SQOR: variants seen among roughly 807,000 people sequenced by gnomAD.
The protein encoded by SQOR is sulfide:quinone oxidoreductase, mitochondrial.
In SQOR, 39 loss-of-function variants were observed where a neutral mutation model predicts 48.6. That is an observed-to-expected ratio of 0.80 (90% confidence interval 0.62 to 1.05). The LOEUF (loss-of-function observed/expected upper bound fraction) is 1.05, where lower values mean the gene tolerates loss of function less well. Ranked by LOEUF, SQOR falls within the 50% of genes least tolerant of loss-of-function variation. The pLI is 0.00. For missense variants in SQOR, 561 were observed against 559.9 expected, an observed-to-expected ratio of 1.00 and a Z score of -0.02; for synonymous variants, 220 against 206.2, an observed-to-expected ratio of 1.07 and a Z score of -0.57.
chr15:45,650,440 T>A (rs981536880), intron 1 of SQOR, among the ~76,000 whole-genome samples: 5 of 152,186 alleles, frequency 3.3e-5, no homozygotes, highest in Non-Finnish European at 7.4e-5. Context: ...GGAGTGAAGC[T>A]GCAGACCTTC....
At chr15:45,688,558 C>G (rs965393980) in intron 8 of SQOR, among the ~76,000 whole-genome samples, 154 bp downstream of exon 8, 4 of 150,416 alleles carry the variant, frequency 2.7e-5, no homozygotes, top group Non-Finnish European at 4.4e-5. Context: ...GTTGCCCAGG[C>G]TGGAGTGCAA....
At chr15:45,673,499 G>A (rs1889978130) in intron 4 of SQOR, 108 bp from the exon 5 acceptor site, 1 of 1,230,374 alleles carries the variant, frequency 8.1e-7, no homozygotes, top group Middle Eastern at 2.6e-4. Flanking sequence ...GTATTGGAGG[G>A]TAATGATAGT....
At chr15:45,685,103 A>C (rs922477230) in intron 7 of SQOR, among the ~76,000 whole-genome samples, 14 of 152,290 alleles carry the variant, frequency 9.2e-5, no homozygotes, top group African/African-American at 3.4e-4. Flanking sequence ...TTTTGCCATT[A>C]AGAGTAATGT....
chr15:45,682,737 C>G, intron 7 of SQOR, 76 bp downstream of exon 7: 1 of 1,534,868 alleles, frequency 6.5e-7, no homozygotes, highest in Non-Finnish European at 8.9e-7. Flanking sequence ...AAAACACAAG[C>G]TTGGCATCGG....
intron 5 of SQOR, 190 bp downstream of exon 5, chr15:45,673,991 T>C (rs1007047564): frequency 6.5e-6 from 4 of 614,860 alleles, no homozygotes; most frequent in Non-Finnish European, 1.1e-5. Context: ...TCCAATTGCT[T>C]TAATAAAGCT....
rs1266446237 is a variant in SQOR, at chr15:45,638,350, G to GA, written c.-18+3242_-18+3243insA. 3.6e-4 allele frequency among the ~76,000 whole-genome samples: 55 copies of GA among 152,292 alleles called. No individual in the cohort carries two copies. The East Asian group carries it at 8.1e-3, about 22-fold the overall frequency. On this transcript the variant is annotated intron_variant, in intron 1 of 9. Coordinates refer to ENST00000260324, the MANE Select transcript of SQOR (RefSeq NM_021199.4). ...TGAGCACCTGTAGCCCCAGCTACTT[G>GA]GGAGGCTGAGGTGGGAGAACTGCTT... is the stretch of plus-strand genomic sequence containing the variant.
intron 7 of SQOR, among the ~76,000 whole-genome samples, chr15:45,687,403 T>C (rs1005596187): frequency 1.3e-5 from 2 of 152,248 alleles, no homozygotes; most frequent in African/African-American, 2.4e-5. Context: ...TGAGCCACCA[T>C]GCCCATCTGG....
chr15:45,633,962 G>A (rs1427460417), upstream of SQOR, among the ~76,000 whole-genome samples: 1 of 151,014 alleles, frequency 6.6e-6, no homozygotes, highest in African/African-American at 2.4e-5. Flanking sequence ...ATCGCTTGAG[G>A]CCAGGAGTTT....
chr15:45,633,602 G>A (rs1348647238), upstream of SQOR, among the ~76,000 whole-genome samples: 1 of 150,740 alleles, frequency 6.6e-6, no homozygotes, highest in Non-Finnish European at 1.5e-5. Flanking sequence ...GCTGAGGCAG[G>A]AGAATCACTT....
chr15:45,658,094 G>A (rs1889645831), intron 1 of SQOR, among the ~76,000 whole-genome samples: 1 of 152,200 alleles, frequency 6.6e-6, no homozygotes, highest in African/African-American at 2.4e-5. Flanking sequence ...AAGGTAAAGT[G>A]AGTCTCTCGG....
At chr15:45,682,746 G>A (rs1890147196) in intron 7 of SQOR, 85 bp downstream of exon 7, 11 of 1,482,166 alleles carry the variant, frequency 7.4e-6, no homozygotes, top group East Asian at 4.6e-5. Flanking sequence ...GCTTGGCATC[G>A]GCCAGAGACG....
chr15:45,673,092 A>G (rs906036359), intron 4 of SQOR, among the ~76,000 whole-genome samples: 6 of 152,210 alleles, frequency 3.9e-5, no homozygotes, highest in Admixed American at 3.3e-4. Context: ...ACACAGGGTC[A>G]CAATGCTAGT....
intron 1 of SQOR, among the ~76,000 whole-genome samples, chr15:45,636,138 C>G (rs777907947): frequency 2.0e-5 from 3 of 151,958 alleles, no homozygotes; most frequent in Non-Finnish European, 4.4e-5. Context: ...CAGAACAATG[C>G]TTTTTTAAAG....
intron 1 of SQOR, among the ~76,000 whole-genome samples, chr15:45,655,058 A>G (rs924811939): frequency 6.6e-6 from 1 of 152,222 alleles, no homozygotes; most frequent in Non-Finnish European, 1.5e-5. Flanking sequence ...TCGATTTTAC[A>G]GGCTGCTTTT....
chr15:45,654,240 C>T (rs562704345), intron 1 of SQOR, among the ~76,000 whole-genome samples: 1 of 151,902 alleles, frequency 6.6e-6, no homozygotes, highest in Non-Finnish European at 1.5e-5. Context: ...GATTATGGTT[C>T]TGGGTTTTCT....
intron 1 of SQOR, among the ~76,000 whole-genome samples, chr15:45,646,359 A>G (rs1376960464): frequency 6.6e-6 from 1 of 152,216 alleles, no homozygotes; most frequent in East Asian, 1.9e-4. Context: ...CTCGTCAGAA[A>G]AAGAATTCAT....
chr15:45,688,933 AAAG>A, intron 8 of SQOR, 103 bp from the exon 9 acceptor site: 1 of 949,284 alleles, frequency 1.1e-6, no homozygotes, highest in East Asian at 2.5e-5. Context: ...AATATACAGA[AAAG>A]AAAAAATATA....
chr15:45,655,859 TG>T (rs1369178687), intron 1 of SQOR, among the ~76,000 whole-genome samples: 3 of 152,010 alleles, frequency 2.0e-5, no homozygotes, highest in African/African-American at 7.2e-5. Context: ...AATTTTTTTT[TG>T]TATTTTAGTA....
At chr15:45,672,767 C>G (rs910860224) in intron 4 of SQOR, among the ~76,000 whole-genome samples, 1 of 152,212 alleles carries the variant, frequency 6.6e-6, no homozygotes, top group African/African-American at 2.4e-5. Context: ...CTAACATTTA[C>G]AGGACATTTG....
Sources: allele counts gnomAD v4.1 joint callset (sites outside exome capture counted in the v4.1 genomes callset), GRCh38; gene constraint gnomAD v4.1.1; transcripts MANE v1.5; gene names NCBI Gene and HGNC (gene_info 2026-07-23, HGNC 2026-07-21).